Variants in DSE observed in about 807,000 individuals in gnomAD.
DSE encodes dermatan sulfate epimerase.
DSE carries 36 observed loss-of-function variants against 84.4 expected under a neutral mutation model. The observed-to-expected ratio is 0.43, with a 90% CI of 0.33 to 0.56. DSE has a LOEUF of 0.56. Ranked by LOEUF, DSE falls within the 20% of genes least tolerant of loss-of-function variation. The pLI, the probability that DSE is intolerant of heterozygous loss-of-function variation, is 0.06. For synonymous variants in DSE, 410 were observed against 430.1 expected, an observed-to-expected ratio of 0.95 and a Z score of 0.58; for missense variants, 862 against 1,169.6, an observed-to-expected ratio of 0.74 and a Z score of 3.84.
At chr6:116,416,349 C>CTGTGTGTG (rs59237926) in intron 2 of DSE, among the ~76,000 whole-genome samples, 2,699 of 134,008 alleles carry the variant, frequency 0.02, 41 homozygotes, top group East Asian at 0.048. Flanking sequence ...CTAATTGCCA[C>CTGTGTGTG]TGTGTGTGTG....
chr6:116,363,633 G>A (rs191235805), intron 2 of DSE, among the ~76,000 whole-genome samples: 2 of 152,228 alleles, frequency 1.3e-5, no homozygotes, highest in Admixed American at 6.5e-5. Context: ...TCACCTCAAG[G>A]ACAGGCATTT....
chr6:116,419,582 G>A (rs1782942229), intron 2 of DSE, among the ~76,000 whole-genome samples: 1 of 152,190 alleles, frequency 6.6e-6, no homozygotes, highest in South Asian at 2.1e-4. Flanking sequence ...CGTGGACAGA[G>A]GTGTGGCATA....
intron 2 of DSE, chr6:116,277,747 TAA>T (rs1773221632): frequency 6.6e-6 from 1 of 151,142 alleles, no homozygotes; most frequent in Admixed American, 6.6e-5. Context: ...ACTAAAAATA[TAA>T]AAATTAGCCG....
intron 2 of DSE, among the ~76,000 whole-genome samples, chr6:116,314,420 A>G (rs1034308970): frequency 1.3e-5 from 2 of 152,206 alleles, no homozygotes; most frequent in African/African-American, 2.4e-5. Context: ...TTGTAACCCA[A>G]ACAAACATTA....
At chr6:116,281,017 A>T (rs1017718146) in intron 2 of DSE, among the ~76,000 whole-genome samples, 2 of 152,234 alleles carry the variant, frequency 1.3e-5, no homozygotes, top group Non-Finnish European at 2.9e-5. Context: ...AGATATGATT[A>T]AGTTAAAGAT....
chr6:116,318,845 A>T (rs948857990), intron 2 of DSE, among the ~76,000 whole-genome samples: 16 of 152,358 alleles, frequency 1.1e-4, no homozygotes, highest in African/African-American at 3.8e-4. Context: ...ATGCTAACGT[A>T]TCCTACAAAG....
chr6:116,385,295 T>G (rs554301208), intron 1 of DSE, among the ~76,000 whole-genome samples: 1 of 152,072 alleles, frequency 6.6e-6, no homozygotes, highest in East Asian at 1.9e-4. Context: ...TTAAATAGAG[T>G]GGTGACATAC....
At chr6:116,335,835 G>A (rs914163223) in intron 2 of DSE, among the ~76,000 whole-genome samples, 1 of 152,208 alleles carries the variant, frequency 6.6e-6, no homozygotes, top group Non-Finnish European at 1.5e-5. Context: ...GGAAGATTGA[G>A]CTCTTTGACT....
chr6:116,266,075 C>G (rs994601989), intron 2 of DSE, among the ~76,000 whole-genome samples: 1 of 152,192 alleles, frequency 6.6e-6, no homozygotes, highest in Non-Finnish European at 1.5e-5. Context: ...AGGAATGAGT[C>G]CTGGTGTGCA....
At chr6:116,303,300 G>A (rs927563002) in intron 2 of DSE, among the ~76,000 whole-genome samples, 2 of 151,902 alleles carry the variant, frequency 1.3e-5, no homozygotes, top group Non-Finnish European at 2.9e-5. Context: ...TTTATACAAA[G>A]TTAGGCCCCT....
chr6:116,295,229 A>T (rs560574334), intron 2 of DSE, among the ~76,000 whole-genome samples: 1 of 152,108 alleles, frequency 6.6e-6, no homozygotes, highest in Non-Finnish European at 1.5e-5. Context: ...GGGAGGAGAT[A>T]GGTTCAGGGA....
At chr6:116,326,497 C>T (rs960500195) in intron 2 of DSE, among the ~76,000 whole-genome samples, 1 of 152,164 alleles carries the variant, frequency 6.6e-6, no homozygotes, top group African/African-American at 2.4e-5. Flanking sequence ...CAACATAATG[C>T]TGTTGGACCA....
chr6:116,328,968 G>A (rs1359632133), intron 2 of DSE, among the ~76,000 whole-genome samples: 1 of 152,096 alleles, frequency 6.6e-6, no homozygotes, highest in East Asian at 1.9e-4. Flanking sequence ...TGCTTACTAC[G>A]CCTGGCAGTT....
At chr6:116,336,758 A>G (rs1351260460) in intron 2 of DSE, among the ~76,000 whole-genome samples, 2 of 148,064 alleles carry the variant, frequency 1.4e-5, no homozygotes, top group Admixed American at 1.4e-4. Context: ...TCCATCTCAA[A>G]AAAAAAAAAA....
intron 2 of DSE, among the ~76,000 whole-genome samples, chr6:116,280,584 C>G (rs959215646): frequency 6.6e-6 from 1 of 152,166 alleles, no homozygotes; most frequent in African/African-American, 2.4e-5. Flanking sequence ...TATTTCCAGC[C>G]CCAAGAACTT....
chr6:116,258,945 G>A (rs188479690), exon 2 of DSE: 73 of 1,525,582 alleles, frequency 4.8e-5, no homozygotes, highest in Middle Eastern at 1.7e-4. Flanking sequence ...AGCATTTGGC[G>A]GCATACCACC....
Position 116,433,293 on chromosome 6 carries a change from G to C in DSE, c.911-50G>C, listed in dbSNP as rs574278. On this transcript the variant is annotated intron_variant, in intron 4 of 5. Coordinates refer to ENST00000644252, the MANE Select transcript of DSE (RefSeq NM_013352.4). Reference sequence around the variant, plus strand: ...AAAGTCATTGTTTAGACCTATATAGGAGTGTGAAGTTTTCAAAGTATCTTA... The same window carrying C: ...AAAGTCATTGTTTAGACCTATATAGCAGTGTGAAGTTTTCAAAGTATCTTA... 4.0e-6 allele frequency: 6 copies of C among 1,508,898 alleles called. No homozygotes were observed. The East Asian group carries it at 1.5e-4, about 37-fold the overall frequency. The allele number at this position is 1,508,898 out of a possible 1,614,324, so 93.5% of individuals were successfully genotyped here. A position where few individuals can be genotyped will look rare whatever the true frequency, so the allele number is the denominator to read the frequency against.
At chr6:116,289,325 A>G (rs1378283784) in intron 2 of DSE, among the ~76,000 whole-genome samples, 2 of 152,050 alleles carry the variant, frequency 1.3e-5, no homozygotes, top group African/African-American at 2.4e-5. Flanking sequence ...ACTATGAATC[A>G]TAGTGATTTG....
chr6:116,419,204 A>G (rs777597485), intron 2 of DSE, among the ~76,000 whole-genome samples: 1 of 152,220 alleles, frequency 6.6e-6, no homozygotes, highest in African/African-American at 2.4e-5. Flanking sequence ...CCAAGACCCA[A>G]TGTGCTTTAC....
Sources: allele counts gnomAD v4.1 joint callset (sites outside exome capture counted in the v4.1 genomes callset), GRCh38; gene constraint gnomAD v4.1.1; transcripts MANE v1.5; gene names NCBI Gene and HGNC (gene_info 2026-07-23, HGNC 2026-07-21).